PDCD1LG2: variants seen among roughly 807,000 people sequenced by gnomAD.
PDCD1LG2 encodes the protein B7 dendritic cell molecule.
A neutral mutation model predicts 28.2 loss-of-function variants in PDCD1LG2; 32 were observed. That is an observed-to-expected ratio of 1.13 (90% CI 0.86 to 1.52). The LOEUF is 1.52. Among genes scored for constraint, PDCD1LG2 ranks in the 40% most tolerant of loss-of-function variants. PDCD1LG2 has a pLI of 0.00. For missense variants in PDCD1LG2, 385 were observed against 323.8 expected (o/e 1.19, Z -1.45); for synonymous variants, 116 against 120.2 (o/e 0.97, Z 0.23).
chr9:5,536,994 A>C (rs1252037676), intron 3 of PDCD1LG2, among the ~76,000 whole-genome samples: 1 of 152,228 alleles, frequency 6.6e-6, no homozygotes, highest in African/African-American at 2.4e-5. Context: ...ATAGTGTTAA[A>C]TAAAAGAATG....
intron 1 of PDCD1LG2, among the ~76,000 whole-genome samples, chr9:5,520,902 G>T (rs1820260620): frequency 1.3e-5 from 2 of 152,094 alleles, no homozygotes; most frequent in South Asian, 4.1e-4. Context: ...CATAGACAAA[G>T]ACTTGTATAT....
At chr9:5,525,969 C>A (rs1001171340) in intron 2 of PDCD1LG2, among the ~76,000 whole-genome samples, 4 of 150,850 alleles carry the variant, frequency 2.7e-5, no homozygotes, top group African/African-American at 9.8e-5. Flanking sequence ...ATCGCTTGAA[C>A]CAGGGAGTCG....
intron 3 of PDCD1LG2, among the ~76,000 whole-genome samples, chr9:5,535,305 C>T (rs1013891788): frequency 6.6e-6 from 1 of 152,142 alleles, no homozygotes; most frequent in Admixed American, 6.5e-5. Flanking sequence ...GAAAATTAGT[C>T]CCTGAAATGT....
intron 1 of PDCD1LG2, among the ~76,000 whole-genome samples, chr9:5,514,796 A>G (rs13288006): frequency 6.7e-6 from 1 of 149,634 alleles, no homozygotes; most frequent in Non-Finnish European, 1.5e-5. Flanking sequence ...AAAAAAAAAG[A>G]CAAAATAAGA....
At chr9:5,524,995 A>G (rs1820343626) in intron 2 of PDCD1LG2, among the ~76,000 whole-genome samples, 1 of 152,222 alleles carries the variant, frequency 6.6e-6, no homozygotes, top group Admixed American at 6.5e-5. Flanking sequence ...ACCTGAATTA[A>G]ATCAATGTGA....
chr9:5,546,894 G>A (rs768674904), intron 3 of PDCD1LG2, among the ~76,000 whole-genome samples: 2 of 152,192 alleles, frequency 1.3e-5, no homozygotes, highest in Admixed American at 1.3e-4. Context: ...AGAACTTCAA[G>A]GGAGAGCCAA....
intron 4 of PDCD1LG2, among the ~76,000 whole-genome samples, chr9:5,556,526 T>A (rs1391758053): frequency 6.6e-6 from 1 of 152,242 alleles, no homozygotes; most frequent in African/African-American, 2.4e-5. Flanking sequence ...TTAGCAACTC[T>A]GAGACTTACT....
intron 3 of PDCD1LG2, among the ~76,000 whole-genome samples, chr9:5,541,272 A>G (rs1820681303): frequency 6.6e-6 from 1 of 152,220 alleles, no homozygotes; most frequent in Admixed American, 6.5e-5. Context: ...AATGGGGAAA[A>G]GTTGAAAGCA....
intron 5 of PDCD1LG2, among the ~76,000 whole-genome samples, chr9:5,558,979 T>C (rs542395986): frequency 7.9e-5 from 12 of 152,226 alleles, no homozygotes; most frequent in Non-Finnish European, 1.8e-4. Context: ...CAGGTGCACC[T>C]CAGTTGTCTT....
At chr9:5,533,318 G>C (rs1563825088) in intron 2 of PDCD1LG2, among the ~76,000 whole-genome samples, 1 of 152,034 alleles carries the variant, frequency 6.6e-6, no homozygotes, top group Non-Finnish European at 1.5e-5. Flanking sequence ...ACCTTTACTA[G>C]TTTGGCCACT....
chr9:5,556,690 C>T (rs922884062), intron 4 of PDCD1LG2, among the ~76,000 whole-genome samples: 16 of 152,172 alleles, frequency 1.1e-4, no homozygotes, highest in African/African-American at 1.4e-4. Flanking sequence ...TGAGCAGTTT[C>T]GTCCAGTTTT....
intron 1 of PDCD1LG2, among the ~76,000 whole-genome samples, chr9:5,512,977 T>C (rs1314657516): frequency 1.3e-5 from 2 of 152,204 alleles, no homozygotes; most frequent in Non-Finnish European, 2.9e-5. Flanking sequence ...TTTTCTGACC[T>C]GAAGTTAGGG....
rs1053390868 is a variant in PDCD1LG2 at position 5,516,154 on chromosome 9, C to T, written c.-15+5351C>T. On this transcript the variant is annotated intron_variant, in intron 1 of 6. Transcript: ENST00000397747. Reference sequence around the variant, plus strand: ...GCAACCTCTGCCTCCCGGGTTCAAGCGATTCTCCTGCTTCAGCCTCCCGAG... The same window carrying T: ...GCAACCTCTGCCTCCCGGGTTCAAGTGATTCTCCTGCTTCAGCCTCCCGAG... Among the ~76,000 whole-genome samples the T allele has an allele frequency of 3.9e-5, 6 of 151,976 alleles. No homozygotes were observed. In the East Asian group the frequency reaches 5.9e-4, roughly 15 times the overall value.
intron 4 of PDCD1LG2, among the ~76,000 whole-genome samples, chr9:5,551,108 A>G (rs954130300): frequency 6.6e-6 from 1 of 152,208 alleles, no homozygotes; most frequent in African/African-American, 2.4e-5. Flanking sequence ...CTCAAGGTCC[A>G]TCTTCAAAAT....
In PDCD1LG2 at chr9:5,569,112, T is replaced by C. The variant is rs900125906; in HGVS notation, c.817-842T>C. 5.3e-5 allele frequency among the ~76,000 whole-genome samples: 8 copies of C among 152,222 alleles called. No individual in the cohort carries two copies. Among genetic ancestry groups the C allele is most frequent in the Admixed American group, 4.6e-4 (7 of 15,284 alleles). On this transcript the variant is annotated intron_variant, in intron 6 of 6. Coordinates refer to ENST00000397747, the MANE Select transcript of PDCD1LG2 (RefSeq NM_025239.4). This position sits in a 1 kb window ranked among gnomAD's most constrained non-coding sequence, Gnocchi z 4.1. The stretch of plus-strand genomic sequence containing the variant: ...GGGGGAAAGACTGTTAGGGCATGTA[T>C]TGTAAACCACTAATTCCAGGCAAAA...
At chr9:5,530,601 G>A (rs145139529) in intron 2 of PDCD1LG2, among the ~76,000 whole-genome samples, 142 of 152,202 alleles carry the variant, frequency 9.3e-4, no homozygotes, top group African/African-American at 3.1e-3. Context: ...TTTGAATTCC[G>A]GTTCCATGAG....
At chr9:5,518,438 A>G (rs1204395607) in intron 1 of PDCD1LG2, among the ~76,000 whole-genome samples, 2 of 152,238 alleles carry the variant, frequency 1.3e-5, no homozygotes, top group Non-Finnish European at 2.9e-5. Context: ...TGCTAGAGCT[A>G]TGTTACATGC....
At chr9:5,530,641 A>G (rs1285916570) in intron 2 of PDCD1LG2, among the ~76,000 whole-genome samples, 1 of 152,200 alleles carries the variant, frequency 6.6e-6, no homozygotes, top group East Asian at 1.9e-4. Context: ...GGCAAGTTGC[A>G]TCACTTCTTT....
intron 3 of PDCD1LG2, 89 bp downstream of exon 3, chr9:5,535,139 C>T (rs1820555893): frequency 8.5e-7 from 1 of 1,170,232 alleles, no homozygotes; most frequent in Non-Finnish European, 1.2e-6. Flanking sequence ...GTAGCTCAAG[C>T]AAAAACAAGC....
Sources: gnomAD v4.1 joint callset for allele counts (sites outside exome capture counted in the v4.1 genomes callset) on GRCh38, gnomAD v4.1.1 for gene constraint, Gnocchi (gnomAD v3.1) non-coding constraint, MANE v1.5 for transcripts, NCBI Gene and HGNC (gene_info 2026-07-23, HGNC 2026-07-21) for gene names.